DEPTOR: variants seen among roughly 807,000 people sequenced by gnomAD.
DEPTOR encodes DEP domain containing MTOR interacting protein.
In DEPTOR, 41 loss-of-function variants were observed where a neutral mutation model predicts 41.6. The ratio of observed to expected loss-of-function variants is 0.98; its 90% CI spans 0.77 to 1.28. The LOEUF is 1.28. DEPTOR is among the 50% of genes most tolerant of loss of function. The pLI is 0.00. For missense variants in DEPTOR, 514 were observed against 527.9 expected, an observed-to-expected ratio of 0.97 and a Z score of 0.26; for synonymous variants, 195 against 192.3, an observed-to-expected ratio of 1.01 and a Z score of -0.12.
At chr8:120,002,812 A>ATATATATATATATATATATATATATATC (rs71306853) in intron 5 of DEPTOR, among the ~76,000 whole-genome samples, 165 bp from the exon 6 acceptor site, 1 of 130,140 alleles carries the variant, frequency 7.7e-6, no homozygotes. Flanking sequence ...ATATATATAT[A>ATATATATATATATATATATATATATATC]ATATAAAGTA....
intron 4 of DEPTOR, among the ~76,000 whole-genome samples, chr8:119,990,489 A>G (rs1243244812): frequency 6.6e-6 from 1 of 152,222 alleles, no homozygotes; most frequent in Non-Finnish European, 1.5e-5. Flanking sequence ...CATACAGAAG[A>G]ATAAAACATA....
intron 1 of DEPTOR, among the ~76,000 whole-genome samples, chr8:119,890,796 G>T (rs959583954): frequency 3.3e-5 from 5 of 152,124 alleles, no homozygotes; most frequent in African/African-American, 1.2e-4. Flanking sequence ...CATGTGGTAA[G>T]TATGGGAGCT....
intron 1 of DEPTOR, among the ~76,000 whole-genome samples, chr8:119,919,193 A>G (rs1487153282): frequency 1.3e-5 from 2 of 152,168 alleles, no homozygotes; most frequent in African/African-American, 2.4e-5. Context: ...ATATAGCCAT[A>G]TGTGTACACA....
intron 6 of DEPTOR, among the ~76,000 whole-genome samples, chr8:120,006,067 A>G (rs1308948346): frequency 6.6e-6 from 1 of 152,164 alleles, no homozygotes; most frequent in Non-Finnish European, 1.5e-5. Context: ...TTGCAGTTAT[A>G]AAATGGGGAT....
intron 4 of DEPTOR, among the ~76,000 whole-genome samples, chr8:119,979,498 C>T (rs935395018): frequency 2.0e-5 from 3 of 152,018 alleles, no homozygotes; most frequent in African/African-American, 2.4e-5. Context: ...CCTGACCTCA[C>T]GTGATGCACC....
At chr8:119,881,543 A>T (rs551405756) in intron 1 of DEPTOR, among the ~76,000 whole-genome samples, 3 of 152,206 alleles carry the variant, frequency 2.0e-5, no homozygotes, top group African/African-American at 7.2e-5. Flanking sequence ...AATAAAAAAA[A>T]AAAAGGTAAA....
intron 1 of DEPTOR, among the ~76,000 whole-genome samples, chr8:119,894,693 G>T (rs1163022311): frequency 2.0e-5 from 3 of 152,142 alleles, no homozygotes; most frequent in African/African-American, 7.2e-5. Flanking sequence ...AACGCGCCTG[G>T]CCTCTAATAG....
rs765376560 is a variant in DEPTOR at position 119,965,220 on chromosome 8, T to C, written c.426-12T>C. 6.3e-7 allele frequency: 1 copy of C among 1,598,484 alleles called. No homozygotes were observed. Among genetic ancestry groups the C allele is most frequent in the South Asian group, 1.1e-5 (1 of 88,132 alleles). On this transcript the variant is annotated splice_polypyrimidine_tract_variant and intron_variant, in intron 3 of 8. Transcript: ENST00000286234. ...ATAGGTTTACTTTTCTTTTCCCTTT[T>C]TTTCTTCCCAGGCTGATGAGCCCTG...
chr8:119,959,603 T>C (rs1828464032), intron 3 of DEPTOR, among the ~76,000 whole-genome samples: 1 of 151,808 alleles, frequency 6.6e-6, no homozygotes, highest in Non-Finnish European at 1.5e-5. Flanking sequence ...CTCGGTTCAC[T>C]GCAACCTCTG....
intron 6 of DEPTOR, among the ~76,000 whole-genome samples, chr8:120,003,423 G>A (rs1398972699): frequency 2.6e-5 from 4 of 152,114 alleles, no homozygotes; most frequent in Non-Finnish European, 4.4e-5. Context: ...CACTTATTAG[G>A]TATTGGCTGC....
intron 2 of DEPTOR, 63 bp downstream of exon 2, chr8:119,928,641 C>T: frequency 2.0e-6 from 3 of 1,521,374 alleles, no homozygotes; most frequent in Middle Eastern, 1.8e-4. Context: ...TTTTCATGAA[C>T]ATACCCACTT....
intron 4 of DEPTOR, among the ~76,000 whole-genome samples, chr8:119,995,845 G>A (rs762855574): frequency 3.3e-5 from 5 of 152,104 alleles, no homozygotes; most frequent in Admixed American, 6.6e-5. Flanking sequence ...AATGTCACGT[G>A]TGATTTATTG....
At chr8:119,890,125 C>A (rs1052484857) in intron 1 of DEPTOR, among the ~76,000 whole-genome samples, 6 of 152,058 alleles carry the variant, frequency 3.9e-5, no homozygotes, top group African/African-American at 1.4e-4. Flanking sequence ...CCGCTACACC[C>A]AGCTAATTTT....
chr8:119,927,295 A>C (rs1232309106), intron 1 of DEPTOR, among the ~76,000 whole-genome samples: 1 of 152,142 alleles, frequency 6.6e-6, no homozygotes, highest in South Asian at 2.1e-4. Context: ...GTATTGGGAC[A>C]ATATTGGTAT....
Position 119,932,785 on chromosome 8 carries a change from T to C in DEPTOR, c.425+2847T>C, listed in dbSNP as rs1275801336. 2.0e-5 allele frequency among the ~76,000 whole-genome samples: 3 copies of C among 152,132 alleles called. No individual in the cohort carries two copies. The East Asian group carries it at 5.8e-4, about 29-fold the overall frequency. Reference sequence around the variant, plus strand: ...ACTTACTGAGGGTGGTGGGGTACTTTAAATAGGGGCATCGGGGAAGACGTT... The same window carrying C: ...ACTTACTGAGGGTGGTGGGGTACTTCAAATAGGGGCATCGGGGAAGACGTT... On this transcript the variant is annotated intron_variant, in intron 3 of 8. Coordinates refer to ENST00000286234, the MANE Select transcript of DEPTOR (RefSeq NM_022783.4).
chr8:119,905,662 G>C (rs12545854), intron 1 of DEPTOR, among the ~76,000 whole-genome samples: 74,407 of 145,930 alleles, frequency 0.51, 20,366 homozygotes, highest in East Asian at 0.92. Flanking sequence ...ACAGAGTCTT[G>C]CTTTGTTGCC....
intron 4 of DEPTOR, among the ~76,000 whole-genome samples, chr8:119,999,579 G>A (rs1364465190): frequency 2.0e-5 from 3 of 152,146 alleles, no homozygotes; most frequent in African/African-American, 4.8e-5. Context: ...AGCTATGATC[G>A]TGCCACTGCA....
chr8:120,025,549 C>G (rs1189062895), intron 8 of DEPTOR, among the ~76,000 whole-genome samples: 2 of 152,198 alleles, frequency 1.3e-5, no homozygotes, highest in Non-Finnish European at 2.9e-5. Context: ...TTGTTTTGCA[C>G]ATTCCTGTTC....
chr8:120,020,235 G>A (rs781018318), intron 8 of DEPTOR, among the ~76,000 whole-genome samples: 4 of 151,788 alleles, frequency 2.6e-5, no homozygotes, highest in Non-Finnish European at 5.9e-5. Context: ...GACTACAAGT[G>A]CATGCCCAGC....
Sources: gnomAD v4.1 joint callset for allele counts (sites outside exome capture counted in the v4.1 genomes callset) on GRCh38, gnomAD v4.1.1 for gene constraint, MANE v1.5 for transcripts, NCBI Gene and HGNC (gene_info 2026-07-23, HGNC 2026-07-21) for gene names.